NINL: variants seen among roughly 807,000 people sequenced by gnomAD.
NINL encodes ninein like.
Under a neutral mutation model 160.3 loss-of-function variants are expected in NINL, and 153 were observed. That is an observed-to-expected ratio of 0.95 (90% confidence interval 0.84 to 1.09). The LOEUF (loss-of-function observed/expected upper bound fraction) is 1.09, where lower values mean the gene tolerates loss of function less well. Among genes scored for constraint, NINL ranks in the 50% least tolerant of loss-of-function variants. The pLI is 0.00. For synonymous variants in NINL, 800 were observed against 734.8 expected, an observed-to-expected ratio of 1.09 and a Z score of -1.43; for missense variants, 1,829 against 1,764.0, an observed-to-expected ratio of 1.04 and a Z score of -0.66.
At chr20:25,538,743 G>A (rs553132814) in intron 1 of NINL, among the ~76,000 whole-genome samples, 10 of 152,112 alleles carry the variant, frequency 6.6e-5, no homozygotes, top group Admixed American at 2.0e-4. Context: ...GGAAACACAG[G>A]GGTGGGTAGC....
At chr20:25,560,117 T>A (rs2064917091) in intron 1 of NINL, among the ~76,000 whole-genome samples, 1 of 152,138 alleles carries the variant, frequency 6.6e-6, no homozygotes, top group Admixed American at 6.5e-5. Context: ...AGCTAATTTT[T>A]AAAATTTTTA....
chr20:25,570,694 C>CTTTTTTTTTTTT (rs57981279), intron 1 of NINL, among the ~76,000 whole-genome samples: 1 of 91,008 alleles, frequency 1.1e-5, no homozygotes, highest in Non-Finnish European at 2.0e-5. Flanking sequence ...GGCAAGTAGA[C>CTTTTTTTTTTTT]TTTTTTTTTT....
At chr20:25,472,324 GATATATATATATAT>G (rs56260321) in intron 17 of NINL, among the ~76,000 whole-genome samples, 14,257 of 83,920 alleles carry the variant, frequency 0.17, 1,544 homozygotes, top group East Asian at 0.45. Flanking sequence ...GGGAGGAGAG[GATATATATATATAT>G]ATATATATAT....
chr20:25,558,794 C>T (rs966766645), intron 1 of NINL, among the ~76,000 whole-genome samples: 1 of 152,204 alleles, frequency 6.6e-6, no homozygotes, highest in Non-Finnish European at 1.5e-5. Flanking sequence ...GCACAGAGTA[C>T]CTGATAATAG....
intron 1 of NINL, among the ~76,000 whole-genome samples, chr20:25,544,566 T>C (rs2147069436): frequency 6.6e-6 from 1 of 152,312 alleles, no homozygotes; most frequent in East Asian, 1.9e-4. Flanking sequence ...AGAGGCCATG[T>C]TCAGTCCCAG....
intron 17 of NINL, among the ~76,000 whole-genome samples, chr20:25,472,346 T>C (rs2063119976): frequency 2.2e-5 from 3 of 137,818 alleles, no homozygotes; most frequent in African/African-American, 5.3e-5. Flanking sequence ...TATATATATA[T>C]ATATATATAT....
chr20:25,489,053 C>T (rs565668160), intron 13 of NINL, 191 bp downstream of exon 13: 45 of 607,204 alleles, frequency 7.4e-5, no homozygotes, highest in South Asian at 4.6e-4. Context: ...CACACAGAGG[C>T]GGCCTTCAGG....
intron 1 of NINL, among the ~76,000 whole-genome samples, chr20:25,575,791 C>T (rs771057911): frequency 4.6e-5 from 7 of 151,824 alleles, no homozygotes; most frequent in Non-Finnish European, 7.4e-5. Flanking sequence ...AAGAATAGTA[C>T]AAAAAATTCT....
chr20:25,540,093 C>T, intron 1 of NINL: 3 of 1,257,946 alleles, frequency 2.4e-6, no homozygotes, highest in Non-Finnish European at 3.1e-6. Flanking sequence ...TGGTATTCCA[C>T]ATCTGCATAA....
intron 18 of NINL, among the ~76,000 whole-genome samples, chr20:25,468,596 CCCT>C (rs2062986098): frequency 7.7e-6 from 1 of 129,910 alleles, no homozygotes; most frequent in African/African-American, 3.1e-5. Flanking sequence ...TGGTCTGTGC[CCCT>C]CTGTCCTGTC....
chr20:25,506,247 G>T (rs1358776847), intron 5 of NINL, among the ~76,000 whole-genome samples: 1 of 152,090 alleles, frequency 6.6e-6, no homozygotes, highest in Non-Finnish European at 1.5e-5. Context: ...GGCTACAGAA[G>T]AATACTCTGT....
chr20:25,531,671 C>T (rs543512649), intron 1 of NINL, among the ~76,000 whole-genome samples: 2 of 152,298 alleles, frequency 1.3e-5, no homozygotes, highest in South Asian at 2.1e-4. Context: ...CCTTCCTCTT[C>T]GTGAGCTCTG....
At chr20:25,495,425 C>T (rs1182005070) in intron 10 of NINL, among the ~76,000 whole-genome samples, 2 of 152,198 alleles carry the variant, frequency 1.3e-5, no homozygotes, top group African/African-American at 4.8e-5. Flanking sequence ...GCCACCACCA[C>T]CAGGACCATG....
At chr20:25,478,094 G>A (rs920492704) in intron 16 of NINL, among the ~76,000 whole-genome samples, 16 of 151,908 alleles carry the variant, frequency 1.1e-4, no homozygotes, top group Admixed American at 7.2e-4. Context: ...GATTACAGGC[G>A]CCTGCTACCA....
chr20:25,476,912 C>G lies in NINL; in HGVS notation c.2379G>C (p.Glu793Asp). ...ACGATACGCACATCTGGGCGCGCTT[C>G]TCGCTCGCACAGGGCTGCAGCTTCA... ...RALKLQPCASEKRAQMCVSLA... is the reference protein window; with the variant it reads ...RALKLQPCASDKRAQMCVSLA... Residue 793 changes from glutamate to aspartate, a missense_variant, in exon 17 of 24, where the codon GAG becomes GAC. By Grantham distance (45) the Glu-to-Asp change is conservative. Transcript: ENST00000278886. 6.2e-7 allele frequency: 1 copy of G among 1,612,860 alleles called. No homozygotes were observed. Among genetic ancestry groups the G allele is most frequent in the Non-Finnish European group, 8.5e-7 (1 of 1,179,900 alleles).
At chr20:25,553,937 C>G (rs940197915) in intron 1 of NINL, among the ~76,000 whole-genome samples, 5 of 152,260 alleles carry the variant, frequency 3.3e-5, no homozygotes, top group Admixed American at 3.3e-4. Flanking sequence ...GGTTCAGATG[C>G]TCAGTCCCTG....
intron 17 of NINL, 55 bp downstream of exon 17, chr20:25,475,988 A>T: frequency 6.5e-7 from 1 of 1,545,052 alleles, no homozygotes; most frequent in Non-Finnish European, 8.8e-7. Flanking sequence ...TCAGTGGGTT[A>T]GTTCTGCATT....
intron 1 of NINL, among the ~76,000 whole-genome samples, chr20:25,578,548 C>T (rs928845884): frequency 2.6e-5 from 4 of 151,956 alleles, no homozygotes; most frequent in Admixed American, 2.6e-4. Flanking sequence ...AATCCCAGCA[C>T]TTTGGGAGGC....
At chr20:25,462,975 C>A (rs1461423790) in intron 19 of NINL, among the ~76,000 whole-genome samples, 2 of 152,172 alleles carry the variant, frequency 1.3e-5, no homozygotes, top group African/African-American at 4.8e-5. Flanking sequence ...CCCTAAAATA[C>A]TTTTAAGCCA....
Sources: allele counts gnomAD v4.1 joint callset (sites outside exome capture counted in the v4.1 genomes callset), GRCh38; gene constraint gnomAD v4.1.1; transcripts MANE v1.5; gene names NCBI Gene and HGNC (gene_info 2026-07-23, HGNC 2026-07-21).